Variants in PIAS4 observed in about 807,000 individuals in gnomAD.
The protein encoded by PIAS4 is E3 SUMO-protein ligase PIAS4.
In PIAS4, 7 loss-of-function variants were observed where a neutral mutation model predicts 58.0. The observed-to-expected ratio is 0.12, with a 90% CI of 0.07 to 0.23. The LOEUF (loss-of-function observed/expected upper bound fraction) is 0.23. Among genes scored for constraint, PIAS4 ranks in the 10% least tolerant of loss-of-function variants. The probability of loss-of-function intolerance (pLI) is 1.00; values close to 1 mark genes in which losing one functional copy is unlikely to be tolerated. For synonymous variants in PIAS4, 364 were observed against 312.4 expected, an observed-to-expected ratio of 1.17 and a Z score of -1.74; for missense variants, 550 against 709.5, an observed-to-expected ratio of 0.78 and a Z score of 2.55.
At chr19:4,012,883 G>T in intron 1 of PIAS4, 40 bp from the exon 2 acceptor site, 1 of 1,572,552 alleles carries the variant, frequency 6.4e-7, no homozygotes, top group East Asian at 2.3e-5. Context: ...CTGCCTCGCA[G>T]CTGTGTCCTC....
Position 4,028,619 on chromosome 19 carries a change from C to A in PIAS4, c.672+19C>A, listed in dbSNP as rs371551326. On this transcript the variant is annotated intron_variant, in intron 5 of 10. Coordinates refer to ENST00000262971, the MANE Select transcript of PIAS4 (RefSeq NM_015897.4). ...CGTCCCGGTGAGCATGCCCCGCCCC[C>A]GCGTCGGCTGCACGGGTTTGGGGGG... 1 of 1,611,302 alleles carries A rather than the reference C, an allele frequency of 6.2e-7. No individual in the cohort carries two copies. Among genetic ancestry groups the A allele is most frequent in the South Asian group, 1.1e-5 (1 of 90,948 alleles).
chr19:4,013,044 G>A lies in PIAS4; in HGVS notation c.149G>A (p.Cys50Tyr). The A allele has an allele frequency of 6.2e-7, 1 of 1,613,566 alleles. No homozygotes were observed. Among genetic ancestry groups the A allele is most frequent in the Non-Finnish European group, 8.5e-7 (1 of 1,179,970 alleles). The change falls in exon 2 of 11, where the codon TGT (cysteine) becomes TAT (tyrosine). Residue 50 changes from cysteine (C) to tyrosine (Y), a missense_variant. Transcript: ENST00000262971. The surrounding 1 kb of genome is among the most constrained non-coding windows in gnomAD (Gnocchi z 5.1). Reference sequence around the variant, plus strand: ...GCCCTCCAGCTGGTGCAGTTTGACTGTAGCCCTGAGCTGTTCAAGAAGATC... The same window carrying A: ...GCCCTCCAGCTGGTGCAGTTTGACTATAGCCCTGAGCTGTTCAAGAAGATC... ...TRALQLVQFDCSPELFKKIKE... is the reference protein window; with the variant it reads ...TRALQLVQFDYSPELFKKIKE...
chr19:4,032,600 A>G (rs1276783192), intron 7 of PIAS4, among the ~76,000 whole-genome samples: 1 of 152,122 alleles, frequency 6.6e-6, no homozygotes, highest in Non-Finnish European at 1.5e-5. Context: ...TTAAAGAAGC[A>G]GCTACACTCC....
chr19:4,030,067 T>C (rs1430384590), intron 7 of PIAS4, among the ~76,000 whole-genome samples: 2 of 151,350 alleles, frequency 1.3e-5, no homozygotes, highest in Non-Finnish European at 2.9e-5. Context: ...CGTGATCCGC[T>C]TGCCTCGGCC....
At chr19:4,012,818 G>T (rs2040009356) in intron 1 of PIAS4, 105 bp from the exon 2 acceptor site, 3 of 1,283,620 alleles carry the variant, frequency 2.3e-6, no homozygotes, top group African/African-American at 3.0e-5. Flanking sequence ...GCGCTTCCTG[G>T]CGAGTGGGTG....
chr19:4,033,276 G>A, intron 8 of PIAS4, 103 bp downstream of exon 8: 1 of 1,370,188 alleles, frequency 7.3e-7, no homozygotes, highest in Non-Finnish European at 1.0e-6. Context: ...TGAGCCTGCG[G>A]GGGCGAGGCT....
chr19:4,028,913 CCT>C lies in PIAS4; in HGVS notation c.802-17_802-16del, dbSNP rs756860855. ...CGGCCCCGTCCTGCCAGCCCTGACC[CCT>C]TCCTTCTGTCCCCAGAGCTACTCGG... On this transcript the variant is annotated splice_polypyrimidine_tract_variant and intron_variant, in intron 6 of 10. Transcript: ENST00000262971. 1 of 1,612,288 alleles carries C rather than the reference CCT, an allele frequency of 6.2e-7. No homozygotes were observed. The highest frequency in any genetic ancestry group is 1.3e-5 in the African/African-American group (1 of 74,988).
intron 1 of PIAS4, among the ~76,000 whole-genome samples, chr19:4,010,730 C>G (rs2039984774): frequency 6.6e-6 from 1 of 152,162 alleles, no homozygotes; most frequent in Non-Finnish European, 1.5e-5. Context: ...CCTCGGTTTC[C>G]TCACCTACAC....
chr19:4,028,252 C>T (rs1233637065), intron 4 of PIAS4, 65 bp downstream of exon 4: 7 of 1,378,798 alleles, frequency 5.1e-6, no homozygotes, highest in South Asian at 3.6e-5. Context: ...CCCCGCCCCC[C>T]AGTCCTGGCC....
chr19:4,027,797 G>T (rs186045437), intron 3 of PIAS4, among the ~76,000 whole-genome samples: 12 of 152,212 alleles, frequency 7.9e-5, no homozygotes, highest in African/African-American at 2.4e-4. Context: ...AGCTCCGCCA[G>T]CCTTGACCTC....
In PIAS4 at chr19:4,037,008, C is replaced by T. The variant is rs370684261; in HGVS notation, c.1143-366C>T. ...TCGCACACATGCACAGATACACTCACGTCCACACACGCTCAAACATGCGTG... is the reference window on the plus strand; with the variant it reads ...TCGCACACATGCACAGATACACTCATGTCCACACACGCTCAAACATGCGTG... On this transcript the variant is annotated intron_variant, in intron 9 of 10. Coordinates refer to ENST00000262971, the MANE Select transcript of PIAS4 (RefSeq NM_015897.4). The surrounding 1 kb of genome is among the most constrained non-coding windows in gnomAD (Gnocchi z 5.8). 5.9e-5 allele frequency among the ~76,000 whole-genome samples: 9 copies of T among 152,226 alleles called. No individual in the cohort carries two copies. Among genetic ancestry groups the T allele is most frequent in the South Asian group, 2.1e-4 (1 of 4,836 alleles).
chr19:4,028,104 C>A, intron 3 of PIAS4, 42 bp from the exon 4 acceptor site: 2 of 1,605,464 alleles, frequency 1.2e-6, no homozygotes, highest in Non-Finnish European at 8.5e-7. Flanking sequence ...CCTCCTCACT[C>A]AGCTCTCCTT....
intron 7 of PIAS4, among the ~76,000 whole-genome samples, chr19:4,029,917 G>A (rs1225744834): frequency 1.4e-5 from 2 of 144,332 alleles, no homozygotes; most frequent in African/African-American, 5.1e-5. Context: ...CTACCTCCTG[G>A]GTTCAAGCGA....
intron 3 of PIAS4, among the ~76,000 whole-genome samples, chr19:4,027,173 A>T (rs2040173832): frequency 6.6e-6 from 1 of 152,064 alleles, no homozygotes; most frequent in Non-Finnish European, 1.5e-5. Context: ...TTTTTAGTAG[A>T]GACGAGGTTT....
chr19:4,031,969 G>A (rs958334364), intron 7 of PIAS4, among the ~76,000 whole-genome samples: 5 of 152,198 alleles, frequency 3.3e-5, no homozygotes, highest in African/African-American at 1.2e-4. Flanking sequence ...CAGCTGAGGA[G>A]TGAGCGGCTG....
intron 3 of PIAS4, among the ~76,000 whole-genome samples, chr19:4,025,879 T>C (rs1481909308): frequency 1.3e-5 from 2 of 151,874 alleles, no homozygotes; most frequent in African/African-American, 2.4e-5. Context: ...CGAGACCATC[T>C]TGGCTAACAC....
chr19:4,009,491 G>A (rs1262969024), intron 1 of PIAS4, among the ~76,000 whole-genome samples: 2 of 152,056 alleles, frequency 1.3e-5, no homozygotes, highest in African/African-American at 4.8e-5. Flanking sequence ...TGAGGGCAGG[G>A]TCTGCACTCT....
At chr19:4,020,722 G>C (rs1439011758) in intron 2 of PIAS4, among the ~76,000 whole-genome samples, 2 of 152,168 alleles carry the variant, frequency 1.3e-5, no homozygotes, top group Non-Finnish European at 2.9e-5. Context: ...AGCCTCCTGA[G>C]TAGCGGGAAT....
chr19:4,037,039 C>T lies in PIAS4; in HGVS notation c.1143-335C>T, dbSNP rs1180834311. ...CACACGCTCAAACATGCGTGCACAC[C>T]CGGAGGTGCCCAGAGGGGCAGGGTG... On this transcript the variant is annotated intron_variant, in intron 9 of 10. Coordinates refer to ENST00000262971, the MANE Select transcript of PIAS4 (RefSeq NM_015897.4). This position sits in a 1 kb window ranked among gnomAD's most constrained non-coding sequence, Gnocchi z 5.8. Among the ~76,000 whole-genome samples the T allele has an allele frequency of 2.0e-5, 3 of 151,744 alleles. No homozygotes were observed. The highest frequency in any genetic ancestry group is 4.4e-5 in the Non-Finnish European group (3 of 68,046).
Sources: gnomAD v4.1 joint callset for allele counts (sites outside exome capture counted in the v4.1 genomes callset) on GRCh38, gnomAD v4.1.1 for gene constraint, Gnocchi (gnomAD v3.1) non-coding constraint, MANE v1.5 for transcripts, NCBI Gene and HGNC (gene_info 2026-07-23, HGNC 2026-07-21) for gene names.